Variants in DMD observed in about 807,000 individuals in gnomAD.
The protein encoded by DMD is mutant dystrophin.
Under a neutral mutation model 330.1 loss-of-function variants are expected in DMD, and 63 were observed. The ratio of observed to expected loss-of-function variants is 0.19; its 90% CI spans 0.16 to 0.24. DMD has a LOEUF of 0.24. Among genes scored for constraint, DMD ranks in the 10% least tolerant of loss-of-function variants. DMD has a pLI of 1.00. For synonymous variants in DMD, 1,223 were observed against 959.8 expected (o/e 1.27, Z -5.07); for missense variants, 3,344 against 2,684.1 (o/e 1.25, Z -5.43).
At chrX:32,300,114 G>A (rs1337899747) in intron 42 of DMD, among the ~76,000 whole-genome samples, 4 of 111,684 alleles carry the variant, frequency 3.6e-5, no homozygotes, top group African/African-American at 9.8e-5. Context: ...GTTAAGCATA[G>A]CACTTGTAGC....
At position 31,310,746 on chromosome X, in the gene DMD, G is replaced by A. The variant is rs763550890; in HGVS notation, c.9224+12852C>T. Among the ~76,000 whole-genome samples, 26 of 96,346 alleles carry A rather than the reference G, an allele frequency of 2.7e-4. No individual in the cohort carries two copies. The Admixed American group carries it at 3.0e-3, about 11-fold the overall frequency. 83.7% of individuals were successfully genotyped at this position (96,346 alleles called of 115,157 possible). ...TTTTTTTTTTTTTTTGTAGAGACCA[G>A]GTATCATTTTGTTGCTCAGGCTGGC... On this transcript the variant is annotated intron_variant, in intron 62 of 78. Transcript: ENST00000357033.
Position 32,285,030 on chromosome X carries a change from G to T in DMD, c.6290+2499C>A, listed in dbSNP as rs1019911058. 3.6e-5 allele frequency among the ~76,000 whole-genome samples: 4 copies of T among 112,343 alleles called. No individual in the cohort carries two copies. The East Asian group carries it at 1.1e-3, about 31-fold the overall frequency. On this transcript the variant is annotated intron_variant, in intron 43 of 78. Coordinates refer to ENST00000357033, the MANE Select transcript of DMD (RefSeq NM_004006.3). ...GGTGAAGGTAAACTGAAAGGGAAATGTCCATATGACCCAGTGAGAAGGGAA... is the reference window on the plus strand; with the variant it reads ...GGTGAAGGTAAACTGAAAGGGAAATTTCCATATGACCCAGTGAGAAGGGAA...
chrX:32,402,769 TA>T (rs2098093510), intron 30 of DMD, among the ~76,000 whole-genome samples: 1 of 111,581 alleles, frequency 9.0e-6, no homozygotes, highest in African/African-American at 3.3e-5. Context: ...TGGGCAATCA[TA>T]AGGCATTATG....
intron 2 of DMD, among the ~76,000 whole-genome samples, chrX:32,901,994 T>C (rs1229511686): frequency 9.0e-6 from 1 of 110,548 alleles, no homozygotes; most frequent in Non-Finnish European, 1.9e-5. Flanking sequence ...CAAAAACATA[T>C]GCTATTACAT....
intron 2 of DMD, among the ~76,000 whole-genome samples, chrX:32,927,228 T>C (rs1169008661): frequency 1.8e-5 from 2 of 111,604 alleles, no homozygotes; most frequent in Admixed American, 9.6e-5. Flanking sequence ...TGAATCTAAC[T>C]TGTTTTGACA....
intron 44 of DMD, among the ~76,000 whole-genome samples, chrX:32,031,492 G>A (rs2095882918): frequency 9.0e-6 from 1 of 110,994 alleles, no homozygotes; most frequent in South Asian, 3.8e-4. Flanking sequence ...TTCACCAAGG[G>A]AATCTCTCTC....
chrX:31,976,383 C>T (rs1201082287), intron 44 of DMD, among the ~76,000 whole-genome samples: 1 of 110,846 alleles, frequency 9.0e-6, no homozygotes, highest in Non-Finnish European at 1.9e-5. Flanking sequence ...GAGTTTTGCT[C>T]CAAATGTGTT....
intron 59 of DMD, among the ~76,000 whole-genome samples, chrX:31,452,706 CT>C (rs1308608884): frequency 8.9e-6 from 1 of 112,250 alleles, no homozygotes; most frequent in African/African-American, 3.2e-5. Flanking sequence ...AATTCTTCAT[CT>C]TTTAGGACAT....
At chrX:31,836,273 T>C (rs2093195451) in intron 49 of DMD, among the ~76,000 whole-genome samples, 1 of 112,461 alleles carries the variant, frequency 8.9e-6, no homozygotes, top group South Asian at 3.7e-4. Flanking sequence ...TTTTACTCTT[T>C]TATAAGAAAG....
chrX:32,560,398 C>T (rs925401705), intron 16 of DMD, among the ~76,000 whole-genome samples: 5 of 111,084 alleles, frequency 4.5e-5, no homozygotes, highest in African/African-American at 1.6e-4. Context: ...AAATCACATA[C>T]ATTATATTTT....
chrX:32,697,535 C>G (rs1326777992), intron 9 of DMD, among the ~76,000 whole-genome samples: 2 of 111,980 alleles, frequency 1.8e-5, no homozygotes, highest in Non-Finnish European at 3.8e-5. Flanking sequence ...TGTACCTACA[C>G]TTTTCGAAGT....
At chrX:31,239,904 C>A (rs2048083196) in intron 63 of DMD, among the ~76,000 whole-genome samples, 1 of 111,707 alleles carries the variant, frequency 9.0e-6, no homozygotes, top group Non-Finnish European at 1.9e-5. Flanking sequence ...AATGAAGAAG[C>A]CAGGTCTCAG....
chrX:31,663,697 T>C (rs192331580), intron 53 of DMD, among the ~76,000 whole-genome samples: 35 of 111,378 alleles, frequency 3.1e-4, no homozygotes, highest in Non-Finnish European at 6.0e-4. Flanking sequence ...ATACTCCCTC[T>C]CTCTTTGTGT....
At chrX:31,684,271 G>A (rs1270241883) in intron 52 of DMD, among the ~76,000 whole-genome samples, 1 of 112,223 alleles carries the variant, frequency 8.9e-6, no homozygotes, top group African/African-American at 3.2e-5. Flanking sequence ...TTGGTGTCAA[G>A]AGAAGTTTTT....
chrX:32,835,965 T>A (rs183415896), intron 4 of DMD, among the ~76,000 whole-genome samples: 63 of 111,190 alleles, frequency 5.7e-4, no homozygotes, highest in Admixed American at 1.3e-3. Context: ...AGGAGGCTGT[T>A]CATATGATTT....
At chrX:33,304,541 G>T (rs1413934074) in intron 1 of DMD, among the ~76,000 whole-genome samples, 5 of 110,670 alleles carry the variant, frequency 4.5e-5, no homozygotes, top group Non-Finnish European at 7.6e-5. Flanking sequence ...AAAAGCAATG[G>T]CAACAAAAGC....
Position 32,829,740 on chromosome X carries a change from G to C in DMD, c.265-6353C>G, listed in dbSNP as rs1482801628. On this transcript the variant is annotated intron_variant, in intron 4 of 78. Transcript: ENST00000357033. ...GCCTACATCATTAGAGTATGTATGA[G>C]CTATATAAATTTTACCAAGAGTTCA... is the stretch of plus-strand genomic sequence containing the variant. Among the ~76,000 whole-genome samples, 4 of 111,635 alleles carry C rather than the reference G, an allele frequency of 3.6e-5. No individual in the cohort carries two copies. In the East Asian group the frequency reaches 1.1e-3, roughly 31 times the overall value.
intron 62 of DMD, among the ~76,000 whole-genome samples, chrX:31,310,201 CTCTCCATAT>C (rs1569523684): frequency 2.1e-5 from 2 of 93,170 alleles, no homozygotes; most frequent in Non-Finnish European, 4.1e-5. Context: ...CTCTCTCTCT[CTCTCCATAT>C]ATATATATAT....
intron 47 of DMD, among the ~76,000 whole-genome samples, chrX:31,882,966 G>T (rs982170237): frequency 2.7e-5 from 3 of 111,343 alleles, no homozygotes; most frequent in African/African-American, 9.8e-5. Flanking sequence ...CCTAGCCATT[G>T]TACTTCCACG....
Sources: gnomAD v4.1 joint callset for allele counts (sites outside exome capture counted in the v4.1 genomes callset) on GRCh38, gnomAD v4.1.1 for gene constraint, MANE v1.5 for transcripts, NCBI Gene and HGNC (gene_info 2026-07-23, HGNC 2026-07-21) for gene names.